Variants in GRM4 observed in about 807,000 individuals in gnomAD.
GRM4 encodes glutamate metabotropic receptor 4.
A neutral mutation model predicts 81.7 loss-of-function variants in GRM4; 28 were observed. The ratio of observed to expected loss-of-function variants is 0.34; its 90% CI spans 0.25 to 0.47. The LOEUF is 0.47. GRM4 is among the 20% of genes least tolerant of loss of function. The pLI is 1.00. For synonymous variants in GRM4, 488 were observed against 528.8 expected, an observed-to-expected ratio of 0.92 and a Z score of 1.06; for missense variants, 948 against 1,290.0, an observed-to-expected ratio of 0.73 and a Z score of 4.06.
rs998639330 is a variant in GRM4 at position 34,019,017 on chromosome 6, G to A, written c.*3804C>T. The A allele has an allele frequency of 6.6e-6, 1 of 152,412 alleles. No homozygotes were observed. The highest frequency in any genetic ancestry group is 1.5e-5 in the Non-Finnish European group (1 of 68,164). 9.4% of individuals were successfully genotyped at this position (152,412 alleles called of 1,614,324 possible). A position where few individuals can be genotyped will look rare whatever the true frequency, so the allele number is the denominator to read the frequency against. ...GCCAGTGAGGGTGTCAGAAAGAGGGGCGCCCAGCCTTATGCAGGCTCAGCA... is the reference window on the plus strand; with the variant it reads ...GCCAGTGAGGGTGTCAGAAAGAGGGACGCCCAGCCTTATGCAGGCTCAGCA... On this transcript the variant is annotated 3_prime_UTR_variant, in exon 11 of 11. Transcript: ENST00000538487.
At position 34,028,336 on chromosome 6, in the gene GRM4, A is replaced by C; in HGVS notation, c.2473T>G (p.Ser825Ala). The C allele has an allele frequency of 6.2e-7, 1 of 1,612,070 alleles. No homozygotes were observed. The highest frequency in any genetic ancestry group is 8.5e-7 in the Non-Finnish European group (1 of 1,179,922). The stretch of plus-strand genomic sequence containing the variant: ...GACACCGAGGCGCTCAGACTCACCG[A>C]GACCGTCAGCGTCGTCGTCTGGATG... Reference protein sequence around the residue: ...LYIQTTTLTVSVSLSASVSLG... With the variant: ...LYIQTTTLTVAVSLSASVSLG... Residue 825 changes from serine (S) to alanine (A), a missense_variant, in exon 10 of 11, where the codon TCG becomes GCG. Coordinates refer to ENST00000538487, the MANE Select transcript of GRM4 (RefSeq NM_000841.4).
intron 2 of GRM4, among the ~76,000 whole-genome samples, chr6:34,098,571 C>T (rs1161390240): frequency 1.3e-5 from 2 of 152,234 alleles, no homozygotes; most frequent in Non-Finnish European, 2.9e-5. Flanking sequence ...CCCCAGGGAG[C>T]AGGGGACCCT....
chr6:34,038,177 G>C (rs1167488577), intron 8 of GRM4, among the ~76,000 whole-genome samples: 1 of 152,230 alleles, frequency 6.6e-6, no homozygotes, highest in Non-Finnish European at 1.5e-5. Context: ...AGCAGTGACT[G>C]AGGTCAAGTC....
At chr6:34,084,607 C>T (rs1420278098) in intron 3 of GRM4, among the ~76,000 whole-genome samples, 7 of 152,144 alleles carry the variant, frequency 4.6e-5, no homozygotes, top group African/African-American at 1.2e-4. Flanking sequence ...GCCAAGCCAG[C>T]GCGACCCCAG....
rs535357301 is a variant in GRM4, at chr6:34,110,779, G to C, written c.520-18680C>G. ...CCAGGGCATCAGAGATCAAAGTGGTGCCCCTCCCTGGCCCAGGCTGCAGGC... is the reference window on the plus strand; with the variant it reads ...CCAGGGCATCAGAGATCAAAGTGGTCCCCCTCCCTGGCCCAGGCTGCAGGC... On this transcript the variant is annotated intron_variant, in intron 2 of 10. Transcript: ENST00000538487. 2.5e-4 allele frequency: 357 copies of C among 1,433,984 alleles called. 1 individual carries two copies. The African/African-American group carries it at 4.7e-3, about 19-fold the overall frequency. The allele number at this position is 1,433,984 out of a possible 1,614,324, so 88.8% of individuals were successfully genotyped here.
At position 34,062,064 on chromosome 6, in the gene GRM4, G is replaced by A. The variant is rs763114937; in HGVS notation, c.737-36C>T. On this transcript the variant is annotated intron_variant, in intron 3 of 10. Coordinates refer to ENST00000538487, the MANE Select transcript of GRM4 (RefSeq NM_000841.4). ...GGCACCAGTTAGTTGGGGTGGGCAG[G>A]GGAACCTGAGTCTCCCCACCACTCT... 5.7e-6 allele frequency: 9 copies of A among 1,584,880 alleles called. No homozygotes were observed. In the Admixed American group the frequency reaches 1.5e-4, roughly 27 times the overall value.
At chr6:34,032,866 C>G (rs963670485) in intron 9 of GRM4, among the ~76,000 whole-genome samples, 1 of 152,076 alleles carries the variant, frequency 6.6e-6, no homozygotes, top group Non-Finnish European at 1.5e-5. Flanking sequence ...GGCAGGCAGC[C>G]AGGGGGAAAT....
rs1738623251 is a variant in GRM4, at chr6:34,019,720, A to G, written c.*3101T>C. On this transcript the variant is annotated 3_prime_UTR_variant, in exon 11 of 11. Coordinates refer to ENST00000538487, the MANE Select transcript of GRM4 (RefSeq NM_000841.4). ...CCGCTGGCTCCCTATCCAGGGTGCC[A>G]GGGACCCTGAACCCCCCATCTTGTT... 1 of 152,236 alleles carries G rather than the reference A, an allele frequency of 6.6e-6. No homozygotes were observed. Among genetic ancestry groups the G allele is most frequent in the South Asian group, 2.1e-4 (1 of 4,836 alleles). The allele number at this position is 152,236 out of a possible 1,614,324, so 9.4% of individuals were successfully genotyped here. A position where few individuals can be genotyped will look rare whatever the true frequency, so the allele number is the denominator to read the frequency against.
At chr6:34,151,968 G>T (rs548702303) in intron 1 of GRM4, among the ~76,000 whole-genome samples, 92 of 152,140 alleles carry the variant, frequency 6.0e-4, no homozygotes, top group African/African-American at 2.1e-3. Flanking sequence ...AGTGAGAAAT[G>T]CTTTTCAAGG....
Position 34,035,537 on chromosome 6 carries a change from A to AAAGAAGGCAGAATGAGGCAC in GRM4, c.2442+130_2442+131insGTGCCTCATTCTGCCTTCTT. On this transcript the variant is annotated intron_variant, in intron 9 of 10. Transcript: ENST00000538487. This position sits in a 1 kb window ranked among gnomAD's most constrained non-coding sequence, Gnocchi z 6.6. ...GCATGAAAGAAGGCAGAATGAGGCA[A>AAAGAAGGCAGAATGAGGCAC]GAAAGAAGGCAGAATGAGGCATGAA... 3.4e-6 allele frequency: 2 copies of AAAGAAGGCAGAATGAGGCAC among 585,048 alleles called. No individual in the cohort carries two copies. The highest frequency in any genetic ancestry group is 3.0e-5 in the East Asian group (1 of 33,180). 36.2% of individuals were successfully genotyped at this position (585,048 alleles called of 1,614,324 possible).
intron 6 of GRM4, among the ~76,000 whole-genome samples, chr6:34,052,395 C>T (rs949488164): frequency 7.9e-5 from 12 of 152,254 alleles, no homozygotes; most frequent in African/African-American, 2.4e-4. Context: ...CCACTTCAGA[C>T]AGCATTGAAG....
chr6:34,044,887 CAT>C (rs1194941894), intron 6 of GRM4, among the ~76,000 whole-genome samples: 2 of 149,602 alleles, frequency 1.3e-5, no homozygotes, highest in East Asian at 1.9e-4. Flanking sequence ...TATATACAGA[CAT>C]ACACATACAC....
chr6:34,062,742 A>G (rs928564051), intron 3 of GRM4: 3 of 151,286 alleles, frequency 2.0e-5, no homozygotes, highest in Non-Finnish European at 2.9e-5. Flanking sequence ...AGGATTCACG[A>G]CCAGGCTGGG....
rs796831617 is a variant in GRM4, at chr6:34,069,092, T to TC, written c.737-7065dup. Among the ~76,000 whole-genome samples, 1 of 148,358 alleles carries TC rather than the reference T, an allele frequency of 6.7e-6. No homozygotes were observed. The highest frequency in any genetic ancestry group is 1.5e-5 in the Non-Finnish European group (1 of 67,280). ...ACAGGGACAGGGGCAGGAGAGCAGG[T>TC]CCCCCCGGCTCCCATAGGGGAGGAC... On this transcript the variant is annotated intron_variant, in intron 3 of 10. Transcript: ENST00000538487. This position sits in a 1 kb window ranked among gnomAD's most constrained non-coding sequence, Gnocchi z 6.4.
chr6:34,093,649 T>A (rs1320369164), intron 2 of GRM4, among the ~76,000 whole-genome samples: 1 of 152,008 alleles, frequency 6.6e-6, no homozygotes, highest in African/African-American at 2.4e-5. Context: ...AGTCAATGCA[T>A]AGTAGGTCCC....
chr6:34,046,082 A>G (rs13207283), intron 6 of GRM4, among the ~76,000 whole-genome samples: 2,065 of 151,952 alleles, frequency 0.014, 27 homozygotes, highest in Middle Eastern at 0.041. Context: ...CTCCCCCCTC[A>G]CTTCTCCACA....
At chr6:34,109,677 G>T (rs985688077) in intron 2 of GRM4, among the ~76,000 whole-genome samples, 1 of 152,124 alleles carries the variant, frequency 6.6e-6, no homozygotes, top group Non-Finnish European at 1.5e-5. Context: ...GCTGTGGAGG[G>T]CAGGATTACC....
chr6:34,042,501 C>T lies in GRM4; in HGVS notation c.1169-1753G>A, dbSNP rs560174792. On this transcript the variant is annotated intron_variant, in intron 6 of 10. Coordinates refer to ENST00000538487, the MANE Select transcript of GRM4 (RefSeq NM_000841.4). The surrounding 1 kb of genome is among the most constrained non-coding windows in gnomAD (Gnocchi z 4.2). ...GCAGAGATAGGGAAGCCTGGATTCC[C>T]CTCCTAAGACCACAGCCCTTGCATA... Among the ~76,000 whole-genome samples the T allele has an allele frequency of 4.3e-4, 65 of 152,204 alleles. No homozygotes were observed. Among genetic ancestry groups the T allele is most frequent in the African/African-American group, 1.5e-3 (62 of 41,526 alleles).
chr6:34,044,665 T>TACACAGACACACAC (rs1765240800), intron 6 of GRM4, among the ~76,000 whole-genome samples: 1 of 111,112 alleles, frequency 9.0e-6, no homozygotes, highest in Non-Finnish European at 1.8e-5. Flanking sequence ...TACACATATA[T>TACACAGACACACAC]ACACAGACAC....
Sources: gnomAD v4.1 joint callset for allele counts (sites outside exome capture counted in the v4.1 genomes callset) on GRCh38, gnomAD v4.1.1 for gene constraint, Gnocchi (gnomAD v3.1) non-coding constraint, MANE v1.5 for transcripts, NCBI Gene and HGNC (gene_info 2026-07-23, HGNC 2026-07-21) for gene names.